The following NUP93 variants were observed in gnomAD, a reference collection of about 807,000 sequenced individuals.
NUP93 encodes nucleoporin 93.
NUP93 carries 55 observed loss-of-function variants against 107.8 expected under a neutral mutation model. The ratio of observed to expected loss-of-function variants is 0.51; its 90% CI spans 0.41 to 0.64. The LOEUF (loss-of-function observed/expected upper bound fraction) is 0.64, where lower values mean the gene tolerates loss of function less well. Among genes scored for constraint, NUP93 ranks in the 30% least tolerant of loss-of-function variants. NUP93 has a pLI of 0.00. For missense variants in NUP93, 937 were observed against 1,044.7 expected, an observed-to-expected ratio of 0.90 and a Z score of 1.42; for synonymous variants, 390 against 397.5, an observed-to-expected ratio of 0.98 and a Z score of 0.22.
intron 5 of NUP93, among the ~76,000 whole-genome samples, chr16:56,817,911 A>T (rs1963466540): frequency 6.6e-6 from 1 of 152,224 alleles, no homozygotes; most frequent in Admixed American, 6.5e-5. Context: ...AGTATACTTT[A>T]TGAAGTCCAC....
chr16:56,785,371 C>T (rs1962603604), intron 3 of NUP93, among the ~76,000 whole-genome samples: 1 of 152,084 alleles, frequency 6.6e-6, no homozygotes, highest in Non-Finnish European at 1.5e-5. Flanking sequence ...TTTGCCTCCA[C>T]CATGGTCTAC....
chr16:56,790,849 G>A (rs1194672418), intron 3 of NUP93, among the ~76,000 whole-genome samples: 1 of 152,118 alleles, frequency 6.6e-6, no homozygotes, highest in Non-Finnish European at 1.5e-5. Context: ...TCTTGGAGCA[G>A]ATCCTTTATT....
chr16:56,740,172 GCTC>G (rs1961699849), intron 1 of NUP93, among the ~76,000 whole-genome samples: 2 of 141,414 alleles, frequency 1.4e-5, no homozygotes, highest in African/African-American at 2.7e-5. Flanking sequence ...GGGCGGAGAC[GCTC>G]CTCACTTCCC....
intron 5 of NUP93, among the ~76,000 whole-genome samples, chr16:56,812,493 G>A (rs1240113949): frequency 1.3e-5 from 2 of 151,992 alleles, no homozygotes; most frequent in Non-Finnish European, 2.9e-5. Flanking sequence ...ACAGGCGCCC[G>A]CAACCACGCC....
chr16:56,757,446 G>GAAAAT (rs1962045114), intron 2 of NUP93, among the ~76,000 whole-genome samples: 1 of 152,072 alleles, frequency 6.6e-6, no homozygotes, highest in African/African-American at 2.4e-5. Context: ...GACCCTGTCT[G>GAAAAT]AAAATAAAAT....
At chr16:56,752,792 T>C (rs1208742820) in intron 2 of NUP93, among the ~76,000 whole-genome samples, 1 of 152,174 alleles carries the variant, frequency 6.6e-6, no homozygotes, top group Non-Finnish European at 1.5e-5. Flanking sequence ...GGTACTGGCA[T>C]AAGGATAGAC....
chr16:56,813,358 G>A (rs1529928), intron 5 of NUP93, among the ~76,000 whole-genome samples: 34,277 of 152,114 alleles, frequency 0.23, 4,207 homozygotes, highest in Non-Finnish European at 0.27. Context: ...ACTATTAGAT[G>A]AAATGAAATA....
chr16:56,803,429 C>T (rs1014443925), intron 4 of NUP93, among the ~76,000 whole-genome samples: 31 of 152,174 alleles, frequency 2.0e-4, no homozygotes, highest in African/African-American at 7.2e-4. Context: ...CGTTCTGCTG[C>T]ACTCCAGCCT....
chr16:56,735,242 C>T (rs1339743258), intron 1 of NUP93, among the ~76,000 whole-genome samples: 6 of 152,108 alleles, frequency 3.9e-5, no homozygotes, highest in Admixed American at 3.9e-4. Flanking sequence ...GAGGGAGATG[C>T]AGTTATTTTT....
chr16:56,750,507 TTTTG>T (rs1411407553), intron 2 of NUP93, among the ~76,000 whole-genome samples: 1 of 152,242 alleles, frequency 6.6e-6, no homozygotes, highest in Non-Finnish European at 1.5e-5. Flanking sequence ...GTGTTGAATA[TTTTG>T]TTTTAGAGAA....
chr16:56,818,867 T>G, intron 6 of NUP93, 129 bp downstream of exon 6: 1 of 707,570 alleles, frequency 1.4e-6, no homozygotes, highest in Non-Finnish European at 2.4e-6. Context: ...AGAGAACTAG[T>G]TAATATTTTA....
At chr16:56,799,437 G>A (rs781670163) in intron 4 of NUP93, among the ~76,000 whole-genome samples, 14 of 152,158 alleles carry the variant, frequency 9.2e-5, no homozygotes, top group Admixed American at 2.6e-4. Context: ...TTCTGACAAG[G>A]ATCCAAATAT....
chr16:56,839,823 A>T (rs1405618944), intron 20 of NUP93: 1 of 516,664 alleles, frequency 1.9e-6, no homozygotes, highest in Non-Finnish European at 3.5e-6. Context: ...GAGAAAATAC[A>T]GTCACTTCAG....
chr16:56,836,731 A>C lies in NUP93; in HGVS notation c.1899+14A>C. 6.5e-7 allele frequency: 1 copy of C among 1,545,248 alleles called. No individual in the cohort carries two copies. The highest frequency in any genetic ancestry group is 1.4e-5 in the African/African-American group (1 of 73,652). On this transcript the variant is annotated intron_variant, in intron 17 of 21. Transcript: ENST00000308159. ...GACCTTGCCAAGGTAAAGTGTGCCC[A>C]CTTCCTTCTTTTGCACTTCACAGGT...
rs114675964 is a variant in NUP93, at chr16:56,840,340, G to C, written c.2220+736G>C. Among the ~76,000 whole-genome samples, 4 of 152,262 alleles carry C rather than the reference G, an allele frequency of 2.6e-5. No individual in the cohort carries two copies. The South Asian group carries it at 6.2e-4, about 24-fold the overall frequency. ...CAGCCAATCCATTTTGTCTAAAGAC[G>C]CAAGTGCAGTGACCGCGGAGTAAGC... On this transcript the variant is annotated intron_variant, in intron 20 of 21. Coordinates refer to ENST00000308159, the MANE Select transcript of NUP93 (RefSeq NM_014669.5).
intron 3 of NUP93, among the ~76,000 whole-genome samples, chr16:56,791,099 A>G (rs1291118533): frequency 1.3e-5 from 2 of 152,148 alleles, no homozygotes; most frequent in East Asian, 3.8e-4. Flanking sequence ...ACCTATTTTT[A>G]TGTCATACCA....
rs1266076072 is a variant in NUP93, at chr16:56,848,330, G to C, written c.*3721G>C. On this transcript the variant is annotated 3_prime_UTR_variant, in exon 22 of 22. Coordinates refer to ENST00000308159, the MANE Select transcript of NUP93 (RefSeq NM_014669.5). ...TCAGCTGGGAAAGGAATTGAGCCCT[G>C]TGTCAGCAAATTGGGAGAAAGTGTT... is the stretch of plus-strand genomic sequence containing the variant. 1 of 152,242 alleles carries C rather than the reference G, an allele frequency of 6.6e-6. No individual in the cohort carries two copies. Among genetic ancestry groups the C allele is most frequent in the South Asian group, 2.1e-4 (1 of 4,834 alleles). 9.4% of individuals were successfully genotyped at this position (152,242 alleles called of 1,614,324 possible). A position where few individuals can be genotyped will look rare whatever the true frequency, so the allele number is the denominator to read the frequency against.
chr16:56,808,530 A>G (rs1471506189), intron 5 of NUP93, among the ~76,000 whole-genome samples: 1 of 125,560 alleles, frequency 8.0e-6, no homozygotes, highest in African/African-American at 3.2e-5. Context: ...ATATATAAAT[A>G]TAGTTATATA....
chr16:56,789,525 C>G (rs910381624), intron 3 of NUP93, among the ~76,000 whole-genome samples: 43 of 152,252 alleles, frequency 2.8e-4, no homozygotes, highest in Admixed American at 7.2e-4. Flanking sequence ...GGTCTGCCAC[C>G]TGTGGCTCCA....
Sources: allele counts gnomAD v4.1 joint callset (sites outside exome capture counted in the v4.1 genomes callset), GRCh38; gene constraint gnomAD v4.1.1; transcripts MANE v1.5; gene names NCBI Gene and HGNC (gene_info 2026-07-23, HGNC 2026-07-21).